CSMD1: variants seen among roughly 807,000 people sequenced by gnomAD.
CSMD1 encodes CUB and sushi domain-containing protein 1.
CSMD1 carries 213 observed loss-of-function variants against 417.5 expected under a neutral mutation model. That is an observed-to-expected ratio of 0.51 (90% CI 0.46 to 0.57). The LOEUF (loss-of-function observed/expected upper bound fraction) is 0.57. CSMD1 is among the 20% of genes least tolerant of loss of function. The probability of loss-of-function intolerance (pLI) is 0.00; values close to 1 mark genes in which losing one functional copy is unlikely to be tolerated. For synonymous variants in CSMD1, 2,862 were observed against 1,736.8 expected, an observed-to-expected ratio of 1.65 and a Z score of -16.11; for missense variants, 6,923 against 4,529.7, an observed-to-expected ratio of 1.53 and a Z score of -15.17.
intron 1 of CSMD1, among the ~76,000 whole-genome samples, chr8:4,669,863 C>G (rs1040965161): frequency 3.0e-4 from 45 of 152,170 alleles, no homozygotes; most frequent in Non-Finnish European, 6.3e-4. Flanking sequence ...CACAGAACTC[C>G]TCAGGTTTCT....
chr8:3,141,289 A>C (rs1218811392), intron 41 of CSMD1, among the ~76,000 whole-genome samples: 1 of 152,204 alleles, frequency 6.6e-6, no homozygotes, highest in African/African-American at 2.4e-5. Flanking sequence ...AAATTATGAC[A>C]GTGAAAGAAA....
intron 2 of CSMD1, among the ~76,000 whole-genome samples, chr8:4,531,144 A>G (rs369627814): frequency 2.0e-5 from 3 of 152,326 alleles, no homozygotes; most frequent in African/African-American, 7.2e-5. Flanking sequence ...CTGTGTGAGT[A>G]GGACATTTTT....
At chr8:3,638,395 A>G (rs1797146091) in intron 7 of CSMD1, among the ~76,000 whole-genome samples, 1 of 152,010 alleles carries the variant, frequency 6.6e-6, no homozygotes, top group South Asian at 2.1e-4. Context: ...TATTGGTTTG[A>G]TGCTGAGAGA....
At chr8:3,899,567 G>T (rs940566644) in intron 5 of CSMD1, among the ~76,000 whole-genome samples, 5 of 152,138 alleles carry the variant, frequency 3.3e-5, no homozygotes, top group Admixed American at 1.3e-4. Flanking sequence ...GAAGGTTGTT[G>T]TTGTAAAATT....
At chr8:3,471,920 A>T (rs1195767513) in intron 11 of CSMD1, among the ~76,000 whole-genome samples, 1 of 152,132 alleles carries the variant, frequency 6.6e-6, no homozygotes, top group African/African-American at 2.4e-5. Flanking sequence ...CTTGGTTCAC[A>T]TGCAAAACGA....
intron 5 of CSMD1, among the ~76,000 whole-genome samples, chr8:3,759,432 TGGAGTGA>T (rs1339111385): frequency 6.6e-6 from 1 of 152,160 alleles, no homozygotes; most frequent in Non-Finnish European, 1.5e-5. Flanking sequence ...CTACCGCTGT[TGGAGTGA>T]GGTTTCCTGG....
At chr8:4,975,827 G>GA (rs60614494) in intron 1 of CSMD1, among the ~76,000 whole-genome samples, 23,983 of 151,726 alleles carry the variant, frequency 0.16, 2,093 homozygotes, top group East Asian at 0.31. Flanking sequence ...TGCAATAATA[G>GA]AAAAAAACCC....
intron 3 of CSMD1, among the ~76,000 whole-genome samples, chr8:4,236,305 A>C (rs1802056852): frequency 6.6e-6 from 1 of 152,196 alleles, no homozygotes; most frequent in Non-Finnish European, 1.5e-5. Flanking sequence ...ACTAGAACGC[A>C]GGAAACAGTA....
intron 1 of CSMD1, among the ~76,000 whole-genome samples, chr8:4,861,322 C>T (rs1451866269): frequency 6.6e-6 from 1 of 152,084 alleles, no homozygotes. Context: ...CCATATCAAA[C>T]AAAAATGTGA....
chr8:4,563,347 G>C (rs886631662), intron 2 of CSMD1, among the ~76,000 whole-genome samples: 2 of 152,150 alleles, frequency 1.3e-5, no homozygotes, highest in Admixed American at 6.5e-5. Flanking sequence ...CTTTCAGTGA[G>C]CTCAGATCGT....
chr8:4,727,594 C>G (rs917247104), intron 1 of CSMD1, among the ~76,000 whole-genome samples: 2 of 152,158 alleles, frequency 1.3e-5, no homozygotes, highest in African/African-American at 2.4e-5. Flanking sequence ...CTAACGTCTT[C>G]TAGCTGTTAA....
At chr8:4,316,517 A>G (rs973391098) in intron 3 of CSMD1, among the ~76,000 whole-genome samples, 2 of 152,170 alleles carry the variant, frequency 1.3e-5, no homozygotes, top group African/African-American at 4.8e-5. Flanking sequence ...TAGAACTATT[A>G]TTCCATAATA....
intron 3 of CSMD1, among the ~76,000 whole-genome samples, chr8:4,316,925 C>A (rs936980913): frequency 6.6e-6 from 1 of 151,876 alleles, no homozygotes; most frequent in Non-Finnish European, 1.5e-5. Flanking sequence ...AAGCCAGGTA[C>A]TGAATGAAAA....
At chr8:4,967,520 A>G (rs899551013) in intron 1 of CSMD1, among the ~76,000 whole-genome samples, 22 of 152,144 alleles carry the variant, frequency 1.4e-4, no homozygotes, top group African/African-American at 5.1e-4. Flanking sequence ...TTCCATACCT[A>G]TCTCTAAATC....
chr8:4,524,557 A>G (rs1329477522), intron 2 of CSMD1, among the ~76,000 whole-genome samples: 2 of 145,184 alleles, frequency 1.4e-5, no homozygotes, highest in Non-Finnish European at 3.0e-5. Flanking sequence ...ACCATTTTTC[A>G]TCACACTTGG....
chr8:3,885,263 G>C (rs868723168), intron 5 of CSMD1, among the ~76,000 whole-genome samples: 1 of 152,088 alleles, frequency 6.6e-6, no homozygotes, highest in Admixed American at 6.6e-5. Context: ...AAAGCCTCTA[G>C]CATCAGACAG....
At chr8:3,471,968 C>T (rs371653378) in intron 11 of CSMD1, among the ~76,000 whole-genome samples, 1 of 152,044 alleles carries the variant, frequency 6.6e-6, no homozygotes, top group Non-Finnish European at 1.5e-5. Context: ...TTTGGGATTA[C>T]AGGTGATGTC....
At chr8:4,749,993 GAA>G (rs933274664) in intron 1 of CSMD1, among the ~76,000 whole-genome samples, 11 of 149,710 alleles carry the variant, frequency 7.3e-5, no homozygotes, top group African/African-American at 2.7e-4. Context: ...TTGTTTAATT[GAA>G]AAAAAAATAA....
At chr8:3,991,372 G>C (rs1317639176) in intron 5 of CSMD1, among the ~76,000 whole-genome samples, 1 of 152,172 alleles carries the variant, frequency 6.6e-6, no homozygotes, top group African/African-American at 2.4e-5. Flanking sequence ...TAAGACTTCA[G>C]TGCGTCACGG....
Sources: allele counts gnomAD v4.1 joint callset (sites outside exome capture counted in the v4.1 genomes callset), GRCh38; gene constraint gnomAD v4.1.1; transcripts MANE v1.5; gene names NCBI Gene and HGNC (gene_info 2026-07-23, HGNC 2026-07-21).